The following LPAR3 variants were observed in gnomAD, a reference collection of about 807,000 sequenced individuals.
LPAR3 encodes lysophosphatidic acid receptor 3.
Under a neutral mutation model 17.8 loss-of-function variants are expected in LPAR3, and 7 were observed. The ratio of observed to expected loss-of-function variants is 0.39; its 90% CI spans 0.22 to 0.74. The LOEUF (loss-of-function observed/expected upper bound fraction) is 0.74, where lower values mean the gene tolerates loss of function less well. Ranked by LOEUF, LPAR3 falls within the 30% of genes least tolerant of loss-of-function variation. The pLI is 0.40. For missense variants in LPAR3, 391 were observed against 453.4 expected (o/e 0.86, Z 1.25); for synonymous variants, 179 against 179.9 (o/e 0.99, Z 0.04).
intron 2 of LPAR3, among the ~76,000 whole-genome samples, chr1:84,818,924 CTA>C (rs1001820253): frequency 5.3e-5 from 8 of 151,928 alleles, no homozygotes; most frequent in South Asian, 4.1e-4. Flanking sequence ...TCATTTTTTT[CTA>C]TGTTTCGCTT....
At chr1:84,873,218 C>T (rs375974210) in intron 1 of LPAR3, among the ~76,000 whole-genome samples, 9 of 152,090 alleles carry the variant, frequency 5.9e-5, no homozygotes, top group African/African-American at 2.2e-4. Context: ...TTTTAGTTAA[C>T]GTTAACATAT....
At chr1:84,889,546 T>C (rs573465957) in intron 1 of LPAR3, among the ~76,000 whole-genome samples, 1 of 152,364 alleles carries the variant, frequency 6.6e-6, no homozygotes, top group Admixed American at 6.5e-5. Flanking sequence ...CTTTGCCCTA[T>C]GCCTTCGATC....
At chr1:84,853,240 A>G (rs554247270) in intron 2 of LPAR3, among the ~76,000 whole-genome samples, 1 of 152,276 alleles carries the variant, frequency 6.6e-6, no homozygotes, top group African/African-American at 2.4e-5. Context: ...AAGAATAAGG[A>G]CAAGAGTAGG....
At chr1:84,876,179 C>T (rs140579235) in intron 1 of LPAR3, among the ~76,000 whole-genome samples, 2 of 152,316 alleles carry the variant, frequency 1.3e-5, no homozygotes, top group African/African-American at 4.8e-5. Context: ...AGGCTCATAT[C>T]TCATACCCCT....
At position 84,817,222 on chromosome 1, in the gene LPAR3, T is replaced by C. The variant is rs1202611863; in HGVS notation, c.737-3051A>G. On this transcript the variant is annotated intron_variant, in intron 2 of 2. Coordinates refer to ENST00000370611, the MANE Select transcript of LPAR3 (RefSeq NM_012152.3). The stretch of plus-strand genomic sequence containing the variant: ...TTTTTTTCTTCTGGATTTATGTAGA[T>C]TGGTAGGCAACTAAGTGATAAATAT... 2.2e-5 allele frequency among the ~76,000 whole-genome samples: 3 copies of C among 135,474 alleles called. 1 individual carries two copies. The East Asian group carries it at 8.7e-4, about 39-fold the overall frequency. The allele number at this position is 135,474 out of a possible 152,430, so 88.9% of individuals were successfully genotyped here. A position where few individuals can be genotyped will look rare whatever the true frequency, so the allele number is the denominator to read the frequency against.
intron 1 of LPAR3, among the ~76,000 whole-genome samples, chr1:84,881,245 G>A (rs1020446762): frequency 6.6e-6 from 1 of 151,872 alleles, no homozygotes; most frequent in Admixed American, 6.6e-5. Context: ...GAAGGGGAGG[G>A]GAAGCTTCAG....
At chr1:84,820,993 G>A (rs1659041408) in intron 2 of LPAR3, among the ~76,000 whole-genome samples, 1 of 151,210 alleles carries the variant, frequency 6.6e-6, no homozygotes, top group African/African-American at 2.4e-5. Context: ...GTAAGGGCAT[G>A]TTCCATAAAA....
At chr1:84,838,483 C>T (rs1294231731) in intron 2 of LPAR3, among the ~76,000 whole-genome samples, 1 of 152,214 alleles carries the variant, frequency 6.6e-6, no homozygotes, top group Non-Finnish European at 1.5e-5. Context: ...TCCCTCTCCC[C>T]ATCCCAACAT....
At chr1:84,889,077 T>C (rs1373385449) in intron 1 of LPAR3, among the ~76,000 whole-genome samples, 1 of 151,250 alleles carries the variant, frequency 6.6e-6, no homozygotes, top group Non-Finnish European at 1.5e-5. Flanking sequence ...AGGTTGTAGA[T>C]ACACAGGACA....
intron 2 of LPAR3, among the ~76,000 whole-genome samples, chr1:84,852,519 C>T (rs1175423656): frequency 6.6e-6 from 1 of 152,066 alleles, no homozygotes; most frequent in East Asian, 1.9e-4. Context: ...AGCAGGTCTG[C>T]AGGGCAGCTG....
chr1:84,844,975 T>C (rs778748645), intron 2 of LPAR3, among the ~76,000 whole-genome samples: 6 of 152,200 alleles, frequency 3.9e-5, no homozygotes, highest in Non-Finnish European at 5.9e-5. Flanking sequence ...GCAAATTACA[T>C]CCACAATAAC....
intron 1 of LPAR3, among the ~76,000 whole-genome samples, chr1:84,870,896 A>G (rs1471846567): frequency 6.6e-6 from 1 of 152,222 alleles, no homozygotes; most frequent in Non-Finnish European, 1.5e-5. Flanking sequence ...GAGTTACAGA[A>G]TTACCAAAAT....
chr1:84,817,291 ACC>A (rs11473797), intron 2 of LPAR3, among the ~76,000 whole-genome samples: 2 of 144,686 alleles, frequency 1.4e-5, no homozygotes, highest in African/African-American at 5.1e-5. Context: ...ACACACACAC[ACC>A]CCTCACTTTT....
At chr1:84,889,486 T>C (rs1263697076) in intron 1 of LPAR3, among the ~76,000 whole-genome samples, 2 of 152,184 alleles carry the variant, frequency 1.3e-5, no homozygotes, top group Middle Eastern at 3.2e-3. Flanking sequence ...AGAACTGAGA[T>C]GCGCAGACAG....
chr1:84,875,729 T>C (rs1441618467), intron 1 of LPAR3, among the ~76,000 whole-genome samples: 1 of 152,260 alleles, frequency 6.6e-6, no homozygotes, highest in African/African-American at 2.4e-5. Context: ...CTTTACATTG[T>C]AAAATTCACA....
At chr1:84,884,708 A>G (rs1660426657) in intron 1 of LPAR3, among the ~76,000 whole-genome samples, 1 of 152,246 alleles carries the variant, frequency 6.6e-6, no homozygotes, top group African/African-American at 2.4e-5. Flanking sequence ...GAAATAGGCC[A>G]CAGACCTCAT....
intron 2 of LPAR3, among the ~76,000 whole-genome samples, chr1:84,864,619 T>TA (rs1660004235): frequency 6.6e-6 from 1 of 151,900 alleles, no homozygotes; most frequent in African/African-American, 2.4e-5. Context: ...CCATCTCTAC[T>TA]AAAAATACAA....
At chr1:84,882,296 T>C (rs1660380177) in intron 1 of LPAR3, among the ~76,000 whole-genome samples, 1 of 152,126 alleles carries the variant, frequency 6.6e-6, no homozygotes, top group Non-Finnish European at 1.5e-5. Flanking sequence ...GGCAAAAGAC[T>C]TATACACTGA....
chr1:84,832,882 A>C (rs554490927), intron 2 of LPAR3, among the ~76,000 whole-genome samples: 3 of 152,378 alleles, frequency 2.0e-5, no homozygotes, highest in Admixed American at 1.3e-4. Context: ...ATTATGTCAC[A>C]GTTTGAAAGA....
Sources: allele counts gnomAD v4.1 joint callset (sites outside exome capture counted in the v4.1 genomes callset), GRCh38; gene constraint gnomAD v4.1.1; transcripts MANE v1.5; gene names NCBI Gene and HGNC (gene_info 2026-07-23, HGNC 2026-07-21).